Variants in SEPTIN7 observed in about 807,000 individuals in gnomAD.
SEPTIN7 encodes the protein septin 7.
SEPTIN7 carries 10 observed loss-of-function variants against 63.3 expected under a neutral mutation model. The observed-to-expected ratio is 0.16, with a 90% CI of 0.10 to 0.27. SEPTIN7 has a LOEUF of 0.27. Ranked by LOEUF, SEPTIN7 falls within the 10% of genes least tolerant of loss-of-function variation. The probability of loss-of-function intolerance (pLI) is 1.00; values close to 1 mark genes in which losing one functional copy is unlikely to be tolerated. For missense variants in SEPTIN7, 310 were observed against 521.0 expected (o/e 0.59, Z 3.94); for synonymous variants, 131 against 165.3 (o/e 0.79, Z 1.59).
intron 3 of SEPTIN7, among the ~76,000 whole-genome samples, chr7:35,835,262 G>A (rs897877656): frequency 2.6e-5 from 4 of 152,132 alleles, no homozygotes; most frequent in Non-Finnish European, 4.4e-5. Context: ...GGAGGCATTA[G>A]GACAAATTTT....
chr7:35,891,620 G>C (rs1787649621), intron 11 of SEPTIN7, among the ~76,000 whole-genome samples: 1 of 152,186 alleles, frequency 6.6e-6, no homozygotes. Context: ...ACTGGAGATT[G>C]ATTGCTCTGG....
chr7:35,807,205 A>T (rs1254275232), intron 1 of SEPTIN7, among the ~76,000 whole-genome samples: 4 of 151,296 alleles, frequency 2.6e-5, no homozygotes, highest in Admixed American at 2.0e-4. Flanking sequence ...TTTTTTTGAA[A>T]CGGAGTTTCG....
chr7:35,867,400 A>G (rs1332633823), intron 4 of SEPTIN7, among the ~76,000 whole-genome samples: 1 of 152,114 alleles, frequency 6.6e-6, no homozygotes, highest in Non-Finnish European at 1.5e-5. Flanking sequence ...ACCCAGCTGG[A>G]GTATAGTGGC....
chr7:35,911,028 G>T (rs1212724230), downstream of SEPTIN7, among the ~76,000 whole-genome samples: 1 of 152,178 alleles, frequency 6.6e-6, no homozygotes, highest in Non-Finnish European at 1.5e-5. Context: ...AGGATCCTGA[G>T]GACCCCCCTG....
intron 12 of SEPTIN7, chr7:35,901,181 G>A (rs975647862): frequency 1.3e-5 from 2 of 152,110 alleles, no homozygotes; most frequent in Admixed American, 6.6e-5. Flanking sequence ...GTGTTGTCTA[G>A]TGCACACCAC....
intron 7 of SEPTIN7, among the ~76,000 whole-genome samples, chr7:35,881,324 G>T (rs1398985919): frequency 4.0e-5 from 6 of 151,646 alleles, no homozygotes; most frequent in African/African-American, 1.5e-4. Context: ...GATTTTTACT[G>T]ATAAAGGTAA....
At chr7:35,865,046 T>C (rs1481894975) in intron 4 of SEPTIN7, among the ~76,000 whole-genome samples, 2 of 152,082 alleles carry the variant, frequency 1.3e-5, no homozygotes, top group African/African-American at 4.8e-5. Flanking sequence ...TTGGTAACCT[T>C]TATAGGGCTT....
At chr7:35,878,095 T>C (rs996354878) in intron 6 of SEPTIN7, among the ~76,000 whole-genome samples, 8 of 152,192 alleles carry the variant, frequency 5.3e-5, no homozygotes, top group Non-Finnish European at 1.0e-4. Flanking sequence ...GAAAAATTGT[T>C]AAGTGGAACC....
Position 35,801,108 on chromosome 7 carries a change from AGGCAGCTACGCCG to A in SEPTIN7, c.-98_-86del, listed in dbSNP as rs747551976. Reference sequence around the variant, plus strand: ...CCGCCTGCTGTAGCGTGCGTAAGCAAGGCAGCTACGCCGGGCGGCTACGCTGCGGAATCGGCGT... The same window carrying A: ...CCGCCTGCTGTAGCGTGCGTAAGCAAGGCGGCTACGCTGCGGAATCGGCGT... On this transcript the variant is annotated 5_prime_UTR_variant, in exon 1 of 14. Transcript: ENST00000350320. 4.3e-3 allele frequency: 4,010 copies of A among 934,822 alleles called. 11 individuals are homozygous for A. Among genetic ancestry groups the A allele is most frequent in the Non-Finnish European group, 5.9e-3 (3,854 of 658,452 alleles). The allele number at this position is 934,822 out of a possible 1,614,324, so 57.9% of individuals were successfully genotyped here. A position where few individuals can be genotyped will look rare whatever the true frequency, so the allele number is the denominator to read the frequency against.
rs74451478 is a variant in SEPTIN7 at position 35,806,125 on chromosome 7, G to T, written c.61+4855G>T. On this transcript the variant is annotated intron_variant, in intron 1 of 13. Transcript: ENST00000350320. ...CACGTGGGGGAGCAGAATCATCCTTGGTTGAGAACCACTGCACTAGGTGAT... is the reference window on the plus strand; with the variant it reads ...CACGTGGGGGAGCAGAATCATCCTTTGTTGAGAACCACTGCACTAGGTGAT... Among the ~76,000 whole-genome samples, 224 of 152,282 alleles carry T rather than the reference G, an allele frequency of 1.5e-3. 5 individuals are homozygous for T. In the East Asian group the frequency reaches 0.039, roughly 27 times the overall value.
At chr7:35,809,560 A>G (rs542737881) in intron 1 of SEPTIN7, among the ~76,000 whole-genome samples, 1 of 152,318 alleles carries the variant, frequency 6.6e-6, no homozygotes, top group Non-Finnish European at 1.5e-5. Flanking sequence ...TACGATATAA[A>G]GGTATGCAGA....
At chr7:35,841,753 T>A (rs1784417008) in intron 3 of SEPTIN7, among the ~76,000 whole-genome samples, 1 of 152,204 alleles carries the variant, frequency 6.6e-6, no homozygotes, top group Non-Finnish European at 1.5e-5. Context: ...GGAGCACATG[T>A]TAGTGTAACT....
intron 1 of SEPTIN7, among the ~76,000 whole-genome samples, chr7:35,813,009 A>G (rs568480009): frequency 6.6e-6 from 1 of 152,348 alleles, no homozygotes; most frequent in South Asian, 2.1e-4. Context: ...TCTGCAAGAT[A>G]TAAGTCCGGA....
intron 1 of SEPTIN7, among the ~76,000 whole-genome samples, chr7:35,801,888 G>T (rs1262301773): frequency 6.6e-6 from 1 of 152,076 alleles, no homozygotes; most frequent in African/African-American, 2.4e-5. Flanking sequence ...TCGCCTCCCC[G>T]CTCCTCCTCC....
intron 3 of SEPTIN7, among the ~76,000 whole-genome samples, chr7:35,835,400 T>TA (rs1183818750): frequency 1.3e-5 from 2 of 152,290 alleles, no homozygotes; most frequent in East Asian, 1.9e-4. Flanking sequence ...TCTGCTAACT[T>TA]ACGATTCTTA....
At chr7:35,912,662 C>T in the SEPTIN7 span, among the ~76,000 whole-genome samples, 1 of 152,180 alleles carries the variant, frequency 6.6e-6, no homozygotes, top group Non-Finnish European at 1.5e-5. Flanking sequence ...TACAGCGGAC[C>T]TTCCTGGCAT....
At chr7:35,827,468 A>G (rs773370669) in intron 1 of SEPTIN7, among the ~76,000 whole-genome samples, 5 of 152,148 alleles carry the variant, frequency 3.3e-5, no homozygotes, top group Admixed American at 6.6e-5. Context: ...TGACAAGTCT[A>G]TATGTTTTAA....
chr7:35,866,859 C>T (rs1410000482), intron 4 of SEPTIN7, among the ~76,000 whole-genome samples: 5 of 152,212 alleles, frequency 3.3e-5, no homozygotes, highest in Non-Finnish European at 7.3e-5. Context: ...CAAACTTGAG[C>T]GCACATCACA....
chr7:35,803,798 T>C (rs1306223093), intron 1 of SEPTIN7, among the ~76,000 whole-genome samples: 1 of 152,216 alleles, frequency 6.6e-6, no homozygotes. Flanking sequence ...AGAAAAATTA[T>C]GTTTTTAAGG....
Sources: gnomAD v4.1 joint callset for allele counts (sites outside exome capture counted in the v4.1 genomes callset) on GRCh38, gnomAD v4.1.1 for gene constraint, MANE v1.5 for transcripts, NCBI Gene and HGNC (gene_info 2026-07-23, HGNC 2026-07-21) for gene names.